The following CC2D2A variants were observed in gnomAD, a reference collection of about 807,000 sequenced individuals.
The protein encoded by CC2D2A is coiled-coil and C2 domain-containing protein 2A.
Under a neutral mutation model 212.9 loss-of-function variants are expected in CC2D2A, and 155 were observed. That is an observed-to-expected ratio of 0.73 (90% CI 0.64 to 0.83). The LOEUF is 0.83. Ranked by LOEUF, CC2D2A falls within the 40% of genes least tolerant of loss-of-function variation. CC2D2A has a pLI of 0.00. For missense variants in CC2D2A, 1,856 were observed against 1,956.2 expected, an observed-to-expected ratio of 0.95 and a Z score of 0.97; for synonymous variants, 667 against 686.5, an observed-to-expected ratio of 0.97 and a Z score of 0.44.
intron 2 of CC2D2A, among the ~76,000 whole-genome samples, chr4:15,478,066 G>A (rs912256842): frequency 6.6e-6 from 1 of 152,212 alleles, no homozygotes; most frequent in South Asian, 2.1e-4. Context: ...AAAACTCTAG[G>A]ACTAAAACAT....
chr4:15,576,781 T>C (rs141782185), intron 29 of CC2D2A, among the ~76,000 whole-genome samples: 13 of 152,352 alleles, frequency 8.5e-5, no homozygotes, highest in Middle Eastern at 3.4e-3. Context: ...CCATGAGGAA[T>C]GTCCTGCCTT....
At chr4:15,581,158 G>GAT (rs1399149666) in intron 30 of CC2D2A, among the ~76,000 whole-genome samples, 2 of 152,046 alleles carry the variant, frequency 1.3e-5, no homozygotes, top group Non-Finnish European at 2.9e-5. Context: ...ACAAGGTAAT[G>GAT]ATATATCTTT....
At chr4:15,481,991 A>T (rs1714699908) in intron 4 of CC2D2A, 18 of 985,270 alleles carry the variant, frequency 1.8e-5, no homozygotes, top group Non-Finnish European at 2.0e-5. Context: ...GAACATTAGG[A>T]ATTACCTGCT....
chr4:15,589,486 C>T (rs1353321876), intron 32 of CC2D2A, 59 bp from the exon 33 acceptor site: 2 of 1,452,124 alleles, frequency 1.4e-6, no homozygotes, highest in Middle Eastern at 1.8e-4. Context: ...GTGCAAACTA[C>T]TATTGGCCTT....
chr4:15,470,685 C>CTA (rs1713716664), intron 1 of CC2D2A, among the ~76,000 whole-genome samples: 1 of 40,566 alleles, frequency 2.5e-5, no homozygotes, highest in Non-Finnish European at 5.0e-5. Context: ...CTCTCTCTCT[C>CTA]TCTCTATATA....
In CC2D2A at chr4:15,567,400, C is replaced by G. The variant is rs1719933024; in HGVS notation, c.3206C>G (p.Ser1069Cys). The change falls in exon 25 of 37, where the codon TCT becomes TGT. Residue 1069 changes from serine (S) to cysteine (C), a missense_variant. Ser to Cys is a moderately radical substitution (Grantham distance 112). Around this residue, in one of 5 missense-constraint regions of CC2D2A, gnomAD observed 1,512 missense variants for 1,579.3 expected, o/e 0.96. Transcript: ENST00000424120. Reference sequence around the variant, plus strand: ...AGCAAATTCCAGCAGCCGTCGAGGTCTTCAAGGATGTTCAGTGAAAAGCAT... The same window carrying G: ...AGCAAATTCCAGCAGCCGTCGAGGTGTTCAAGGATGTTCAGTGAAAAGCAT... ...AVSKFQQPSR[S>C]SRMFSEKHAA... The G allele has an allele frequency of 6.2e-7, 1 of 1,613,370 alleles. No homozygotes were observed. Among genetic ancestry groups the G allele is most frequent in the African/African-American group, 1.3e-5 (1 of 74,886 alleles).
Position 15,514,822 on chromosome 4 carries a change from G to T in CC2D2A, c.833G>T (p.Arg278Leu). 1 of 1,613,812 alleles carries T rather than the reference G, an allele frequency of 6.2e-7. No homozygotes were observed. The highest frequency in any genetic ancestry group is 8.5e-7 in the Non-Finnish European group (1 of 1,179,762). ...RPADYESIHD[R>L]LQMEREMLFI... is the part of the protein sequence containing the mutation. ...GCAGATTATGAAAGCATCCATGATC[G>T]GCTGCAGATGGAAAGAGAAATGCTC... Residue 278 changes from arginine (R) to leucine (L), a missense_variant, in exon 9 of 37, where the codon CGG becomes CTG. Arg to Leu is a moderately radical substitution (Grantham distance 102). Transcript: ENST00000424120.
chr4:15,488,668 G>A (rs1403225139), intron 4 of CC2D2A, among the ~76,000 whole-genome samples: 1 of 152,158 alleles, frequency 6.6e-6, no homozygotes, highest in Non-Finnish European at 1.5e-5. Context: ...AGTCTAGGCT[G>A]CCCCTCAGTG....
At chr4:15,509,430 C>A (rs1424646605) in intron 6 of CC2D2A, among the ~76,000 whole-genome samples, 1 of 152,032 alleles carries the variant, frequency 6.6e-6, no homozygotes, top group African/African-American at 2.4e-5. Context: ...CCCGCCACCA[C>A]GCCTGGCTAA....
chr4:15,491,073 C>G (rs1715280619), intron 4 of CC2D2A, among the ~76,000 whole-genome samples: 1 of 152,150 alleles, frequency 6.6e-6, no homozygotes, highest in African/African-American at 2.4e-5. Context: ...CCTTCTTTAG[C>G]TTGGTGTCTA....
intron 33 of CC2D2A, among the ~76,000 whole-genome samples, chr4:15,592,754 A>G (rs1218089561): frequency 6.6e-6 from 1 of 152,134 alleles, no homozygotes; most frequent in Admixed American, 6.6e-5. Context: ...AGAAGTGATA[A>G]ATCTGTAACC....
rs181418284 is a variant in CC2D2A at position 15,518,008 on chromosome 4, G to A, written c.1149+1252G>A. Reference sequence around the variant, plus strand: ...CCCATAATTCAATCACCTCCCACCCGGTTCCTCCCATGAAACCTGGGAATT... The same window carrying A: ...CCCATAATTCAATCACCTCCCACCCAGTTCCTCCCATGAAACCTGGGAATT... On this transcript the variant is annotated intron_variant, in intron 11 of 36. Coordinates refer to ENST00000424120, the MANE Select transcript of CC2D2A (RefSeq NM_001378615.1). Among the ~76,000 whole-genome samples the A allele has an allele frequency of 3.6e-3, 547 of 152,174 alleles. 3 individuals are homozygous for A. Among genetic ancestry groups the A allele is most frequent in the Middle Eastern group, 6.8e-3 (2 of 294 alleles).
intron 16 of CC2D2A, among the ~76,000 whole-genome samples, chr4:15,539,310 A>G (rs917077373): frequency 1.3e-5 from 2 of 152,176 alleles, no homozygotes; most frequent in Non-Finnish European, 2.9e-5. Context: ...AATTAAAGGG[A>G]GTCCATTAAA....
intron 21 of CC2D2A, 99 bp from the exon 22 acceptor site, chr4:15,559,066 C>A (rs1473448630): frequency 2.6e-6 from 2 of 783,368 alleles, no homozygotes; most frequent in Non-Finnish European, 4.1e-6. Context: ...ATATTTAAAA[C>A]CACAAGTTAT....
intron 30 of CC2D2A, among the ~76,000 whole-genome samples, chr4:15,583,264 T>C (rs1461639386): frequency 6.6e-6 from 1 of 152,202 alleles, no homozygotes; most frequent in African/African-American, 2.4e-5. Context: ...AGTTTTCCTC[T>C]AAGATCAGGA....
chr4:15,565,140 A>C (rs939262717), intron 24 of CC2D2A, among the ~76,000 whole-genome samples: 1 of 152,346 alleles, frequency 6.6e-6, no homozygotes, highest in East Asian at 1.9e-4. Context: ...CTCACAGCCT[A>C]CCCTTTCACC....
In CC2D2A at chr4:15,540,869, A is replaced by G. The variant is rs779150773; in HGVS notation, c.2036A>G (p.Lys679Arg). 2 of 1,600,778 alleles carry G rather than the reference A, an allele frequency of 1.2e-6. No individual in the cohort carries two copies. Among genetic ancestry groups the G allele is most frequent in the Non-Finnish European group, 1.7e-6 (2 of 1,173,500 alleles). Residue 679 changes from lysine (K) to arginine (R), a missense_variant, in exon 17 of 37, where the codon AAG (lysine) becomes AGG (arginine). Physicochemically the swap from Lys to Arg is conservative, Grantham distance 26 (BLOSUM62 2). Coordinates refer to ENST00000424120, the MANE Select transcript of CC2D2A (RefSeq NM_001378615.1). ...GTCTCGAGAAGGGAGGATGTAAAGA[A>G]GCGCTCAGTGTACTTAAAAGTGCTG... ...AEVSRREDVK[K>R]RSVYLKVLFN... is the part of the protein sequence containing the mutation.
rs368937157 is a variant in CC2D2A at position 15,471,799 on chromosome 4, A to T, written c.-19+1742A>T. 3.4e-4 allele frequency among the ~76,000 whole-genome samples: 52 copies of T among 152,226 alleles called. No homozygotes were observed. The South Asian group carries it at 0.01, about 30-fold the overall frequency. On this transcript the variant is annotated intron_variant, in intron 1 of 36. Coordinates refer to ENST00000424120, the MANE Select transcript of CC2D2A (RefSeq NM_001378615.1). ...TGCCATCCTGGAGTAGGGCATATAT[A>T]TTGTATGATTTTTTAAGCAACCAAT...
At chr4:15,513,681 T>A (rs569448267) in intron 8 of CC2D2A, among the ~76,000 whole-genome samples, 108 of 152,216 alleles carry the variant, frequency 7.1e-4, no homozygotes, top group Admixed American at 9.8e-4. Context: ...CTTTTCTGTC[T>A]TCTCTGCAGT....
Sources: gnomAD v4.1 joint callset for allele counts (sites outside exome capture counted in the v4.1 genomes callset) on GRCh38, gnomAD v4.1.1 for gene constraint, gnomAD v4.1.1 regional missense constraint, MANE v1.5 for transcripts, NCBI Gene and HGNC (gene_info 2026-07-23, HGNC 2026-07-21) for gene names.